The following FARP1 variants were observed in gnomAD, a reference collection of about 807,000 sequenced individuals.
FARP1 encodes FERM, ARH/RhoGEF and pleckstrin domain protein 1.
FARP1 carries 52 observed loss-of-function variants against 128.8 expected under a neutral mutation model. The observed-to-expected ratio is 0.40, with a 90% CI of 0.32 to 0.51. The LOEUF (loss-of-function observed/expected upper bound fraction) is 0.51, where lower values mean the gene tolerates loss of function less well. Ranked by LOEUF, FARP1 falls within the 20% of genes least tolerant of loss-of-function variation. The probability of loss-of-function intolerance (pLI) is 0.45; values close to 1 mark genes in which losing one functional copy is unlikely to be tolerated. For synonymous variants in FARP1, 580 were observed against 551.8 expected, an observed-to-expected ratio of 1.05 and a Z score of -0.72; for missense variants, 1,333 against 1,367.9, an observed-to-expected ratio of 0.97 and a Z score of 0.40.
intron 2 of FARP1, among the ~76,000 whole-genome samples, chr13:98,223,896 C>G (rs1292646191): frequency 6.6e-6 from 1 of 152,216 alleles, no homozygotes; most frequent in Non-Finnish European, 1.5e-5. Context: ...GGACTCTGTT[C>G]AAAAGCATTA....
chr13:98,405,787 T>G (rs528390557), intron 13 of FARP1: 1 of 152,304 alleles, frequency 6.6e-6, no homozygotes, highest in East Asian at 1.9e-4. Flanking sequence ...GAAATTACTT[T>G]GCATTAATTT....
chr13:98,373,533 G>GACAGACAGACAGACAGACACAC (rs1349451618), intron 5 of FARP1, among the ~76,000 whole-genome samples: 1 of 130,984 alleles, frequency 7.6e-6, no homozygotes, highest in African/African-American at 3.0e-5. Context: ...CAGACAGACA[G>GACAGACAGACAGACAGACACAC]ACACACACAC....
intron 1 of FARP1, among the ~76,000 whole-genome samples, chr13:98,155,666 G>A (rs1271241514): frequency 5.3e-5 from 8 of 152,092 alleles, no homozygotes; most frequent in Non-Finnish European, 1.2e-4. Context: ...CTACAGGTGT[G>A]CACCACCACA....
In FARP1 at chr13:98,376,624, C is replaced by T. The variant is rs551659586; in HGVS notation, c.399-1197C>T. On this transcript the variant is annotated intron_variant, in intron 5 of 26. Transcript: ENST00000319562. ...TTGACATACTGTTTTCCTTTCTTTT[C>T]GGTACACACCTAGTACTGGGATTGC... Among the ~76,000 whole-genome samples the T allele has an allele frequency of 3.2e-4, 49 of 152,180 alleles. No individual in the cohort carries two copies. The East Asian group carries it at 6.8e-3, about 21-fold the overall frequency.
chr13:98,447,484 A>ATCT (rs1030504863), intron 26 of FARP1: 10 of 152,432 alleles, frequency 6.6e-5, no homozygotes, highest in African/African-American at 2.4e-4. Context: ...CTTGCAGTCC[A>ATCT]GATCCTGAAA....
Position 98,388,463 on chromosome 13 carries a change from C to T in FARP1, c.840C>T (p.Leu280=). 6.2e-7 allele frequency: 1 copy of T among 1,613,738 alleles called. No individual in the cohort carries two copies. Among genetic ancestry groups the T allele is most frequent in the Non-Finnish European group, 8.5e-7 (1 of 1,179,634 alleles). Residue 280 remains leucine, a synonymous_variant, in exon 9 of 27, where the codon CTC becomes CTT. Coordinates refer to ENST00000319562, the MANE Select transcript of FARP1 (RefSeq NM_005766.4). ...SFKRKRFLIK[L]RPDANSAYQD... ...AGAGGAAGCGCTTTCTCATCAAGCTCCGGCCAGATGCCAATGTAAGTGGTC... is the reference window on the plus strand; with the variant it reads ...AGAGGAAGCGCTTTCTCATCAAGCTTCGGCCAGATGCCAATGTAAGTGGTC...
intron 2 of FARP1, among the ~76,000 whole-genome samples, chr13:98,304,030 C>T (rs1038249234): frequency 6.6e-6 from 1 of 152,160 alleles, no homozygotes; most frequent in South Asian, 2.1e-4. Context: ...CTCTACCTAA[C>T]GGTCCTCTCT....
At chr13:98,152,143 TATC>T (rs766118041) in intron 1 of FARP1, among the ~76,000 whole-genome samples, 1 of 152,186 alleles carries the variant, frequency 6.6e-6, no homozygotes, top group African/African-American at 2.4e-5. Context: ...CAGCCCAAAA[TATC>T]ATCAAGGACA....
intron 19 of FARP1, among the ~76,000 whole-genome samples, chr13:98,436,588 GTAAC>G (rs1438779762): frequency 2.6e-5 from 4 of 152,314 alleles, no homozygotes; most frequent in Non-Finnish European, 5.9e-5. Flanking sequence ...CTTGACATCT[GTAAC>G]TCAGGGCAGG....
intron 2 of FARP1, chr13:98,328,649 C>G (rs1252394966): frequency 6.6e-6 from 1 of 152,198 alleles, no homozygotes; most frequent in Non-Finnish European, 1.5e-5. Context: ...AAGAAGCACT[C>G]TAAGGCTTCG....
chr13:98,170,870 C>T (rs1161550675), intron 1 of FARP1, among the ~76,000 whole-genome samples: 2 of 152,138 alleles, frequency 1.3e-5, no homozygotes, highest in Non-Finnish European at 1.5e-5. Flanking sequence ...TTCTTGAATG[C>T]GTACTGATCT....
chr13:98,160,380 C>A (rs1343784375), intron 1 of FARP1, among the ~76,000 whole-genome samples: 1 of 152,084 alleles, frequency 6.6e-6, no homozygotes, highest in East Asian at 1.9e-4. Flanking sequence ...CTTGGGTAGA[C>A]CAGCCATCCT....
chr13:98,204,666 A>G (rs1880158291), intron 1 of FARP1, among the ~76,000 whole-genome samples: 1 of 152,218 alleles, frequency 6.6e-6, no homozygotes, highest in South Asian at 2.1e-4. Flanking sequence ...CCTGTTTAAA[A>G]TGTTTGGCTA....
chr13:98,388,738 G>A (rs1349089646), intron 9 of FARP1, among the ~76,000 whole-genome samples: 4 of 152,188 alleles, frequency 2.6e-5, no homozygotes, highest in Non-Finnish European at 4.4e-5. Context: ...ATTTCCCTGC[G>A]CAGATTCAGG....
chr13:98,261,763 C>T (rs1036630290), intron 2 of FARP1, among the ~76,000 whole-genome samples: 1 of 152,096 alleles, frequency 6.6e-6, no homozygotes, highest in Non-Finnish European at 1.5e-5. Flanking sequence ...CAGATGATTC[C>T]TGTTAGTGCG....
intron 1 of FARP1, among the ~76,000 whole-genome samples, chr13:98,172,238 T>G (rs2139167727): frequency 6.6e-6 from 1 of 151,984 alleles, no homozygotes; most frequent in Non-Finnish European, 1.5e-5. Context: ...ATTTCATTTC[T>G]GCTGCTCAGG....
chr13:98,289,561 C>T (rs554840924), intron 2 of FARP1, among the ~76,000 whole-genome samples: 10 of 152,304 alleles, frequency 6.6e-5, no homozygotes, highest in African/African-American at 2.2e-4. Flanking sequence ...AGCTTGACTA[C>T]GTCTAGATCT....
At chr13:98,331,646 A>C (rs1218261252) in intron 2 of FARP1, 1 of 152,228 alleles carries the variant, frequency 6.6e-6, no homozygotes, top group East Asian at 1.9e-4. Context: ...GGATGATGGC[A>C]CTGGTGCTTA....
At chr13:98,151,201 C>T (rs1477069565) in intron 1 of FARP1, among the ~76,000 whole-genome samples, 2 of 152,020 alleles carry the variant, frequency 1.3e-5, no homozygotes, top group African/African-American at 4.8e-5. Context: ...AGTGTATTGT[C>T]CCTCCGTTTT....
Sources: allele counts gnomAD v4.1 joint callset (sites outside exome capture counted in the v4.1 genomes callset), GRCh38; gene constraint gnomAD v4.1.1; transcripts MANE v1.5; gene names NCBI Gene and HGNC (gene_info 2026-07-23, HGNC 2026-07-21).